Variants in DENND1A observed in about 807,000 individuals in gnomAD.
The protein encoded by DENND1A is DENN domain containing 1A, also known as DENN domain-containing protein 1A.
A neutral mutation model predicts 113.7 loss-of-function variants in DENND1A; 51 were observed. The ratio of observed to expected loss-of-function variants is 0.45; its 90% confidence interval spans 0.36 to 0.57. DENND1A has a LOEUF of 0.57. Ranked by LOEUF, DENND1A falls within the 20% of genes least tolerant of loss-of-function variation. DENND1A has a pLI of 0.00. For synonymous variants in DENND1A, 565 were observed against 570.8 expected, an observed-to-expected ratio of 0.99 and a Z score of 0.14; for missense variants, 1,258 against 1,395.9, an observed-to-expected ratio of 0.90 and a Z score of 1.57.
intron 3 of DENND1A, among the ~76,000 whole-genome samples, chr9:123,782,466 A>G (rs2131861285): frequency 6.6e-6 from 1 of 152,350 alleles, no homozygotes; most frequent in Non-Finnish European, 1.5e-5. Flanking sequence ...TGTGAAGACT[A>G]TTCAGTCACT....
At position 123,381,544 on chromosome 9, in the gene DENND1A, G is replaced by C. The variant is rs1156388144; in HGVS notation, c.3101C>G (p.Pro1034Arg). The change falls in exon 24 of 24, where the codon CCC (proline) becomes CGC (arginine). Residue 1034 changes from proline to arginine, a missense_variant. Pro to Arg is a moderately radical substitution (Grantham distance 103). Transcript: ENST00000394215. The surrounding 1 kb of genome is among the most constrained non-coding windows in gnomAD (Gnocchi z 4.7). ...GGTTTTCTGTAACAAATCCTCAAAG[G>C]GGTCTCTGGCCTGTTGAGGAGCAGA... is the stretch of plus-strand genomic sequence containing the variant. ...QPSAPQQARD[P>R]FEDLLQKTKQ... 1 of 1,613,786 alleles carries C rather than the reference G, an allele frequency of 6.2e-7. No homozygotes were observed. The highest frequency in any genetic ancestry group is 1.7e-4 in the Middle Eastern group (1 of 6,060).
chr9:123,660,438 A>T (rs2063173895), intron 8 of DENND1A, among the ~76,000 whole-genome samples: 1 of 149,848 alleles, frequency 6.7e-6, no homozygotes, highest in Non-Finnish European at 1.5e-5. Context: ...CTTTGGAGGT[A>T]AGGCTATGAG....
intron 2 of DENND1A, among the ~76,000 whole-genome samples, chr9:123,799,394 A>G (rs1383568638): frequency 6.6e-6 from 1 of 152,212 alleles, no homozygotes; most frequent in African/African-American, 2.4e-5. Flanking sequence ...GATAAATAAG[A>G]CACAGTCCTC....
intron 5 of DENND1A, among the ~76,000 whole-genome samples, chr9:123,697,634 G>A (rs904496641): frequency 2.6e-5 from 4 of 152,042 alleles, no homozygotes; most frequent in Admixed American, 6.6e-5. Flanking sequence ...GAGAACATAC[G>A]GTGTTTGGTT....
chr9:123,886,680 G>A (rs1272648634), intron 1 of DENND1A, among the ~76,000 whole-genome samples: 1 of 152,182 alleles, frequency 6.6e-6, no homozygotes, highest in Non-Finnish European at 1.5e-5. Context: ...GTCTCCATTT[G>A]TTTCACTGGA....
intron 4 of DENND1A, among the ~76,000 whole-genome samples, chr9:123,761,214 T>C (rs1437560226): frequency 1.3e-5 from 2 of 152,224 alleles, no homozygotes; most frequent in Non-Finnish European, 1.5e-5. Context: ...AAATCCCAAC[T>C]CAATCACTGA....
chr9:123,708,986 C>T (rs1277517942), intron 5 of DENND1A, among the ~76,000 whole-genome samples: 2 of 152,196 alleles, frequency 1.3e-5, no homozygotes, highest in South Asian at 2.1e-4. Flanking sequence ...ATAACTCCCC[C>T]GCCTCAGCCC....
At position 123,697,569 on chromosome 9, in the gene DENND1A, C is replaced by T. The variant is rs190939955; in HGVS notation, c.303-20780G>A. Among the ~76,000 whole-genome samples, 6 of 152,260 alleles carry T rather than the reference C, an allele frequency of 3.9e-5. No homozygotes were observed. In the East Asian group the frequency reaches 1.2e-3, roughly 29 times the overall value. ...TTCTTCCCCTCAAGTCCCCGAAGTC[C>T]ATTGTATCATTCTTATGCCTTTGCA... is the stretch of plus-strand genomic sequence containing the variant. On this transcript the variant is annotated intron_variant, in intron 5 of 23. Coordinates refer to ENST00000394215, the MANE Select transcript of DENND1A (RefSeq NM_001352964.2).
chr9:123,390,825 G>C (rs2042803631), intron 21 of DENND1A, among the ~76,000 whole-genome samples: 1 of 152,254 alleles, frequency 6.6e-6, no homozygotes, highest in African/African-American at 2.4e-5. Flanking sequence ...CAAATGGAGG[G>C]AGGCTCTCCA....
At chr9:123,529,288 T>C (rs183016658) in intron 13 of DENND1A, among the ~76,000 whole-genome samples, 1 of 152,232 alleles carries the variant, frequency 6.6e-6, no homozygotes, top group African/African-American at 2.4e-5. Flanking sequence ...GAAATGTGAT[T>C]TACAAAGAAA....
In DENND1A at chr9:123,403,474, G is replaced by C. The variant is rs770053520; in HGVS notation, c.1559C>G (p.Pro520Arg). 6.2e-7 allele frequency: 1 copy of C among 1,614,040 alleles called. No individual in the cohort carries two copies. Among genetic ancestry groups the C allele is most frequent in the East Asian group, 2.2e-5 (1 of 44,884 alleles). The change falls in exon 21 of 24, where the codon CCA becomes CGA. Residue 520 changes from proline (P) to arginine (R), a missense_variant. This residue lies in a region of DENND1A where 1,159 missense variants were observed against 1,231.7 expected (regional missense o/e 0.94). Coordinates refer to ENST00000394215, the MANE Select transcript of DENND1A (RefSeq NM_001352964.2). The part of the protein sequence containing the change: ...QRSRPVRPPR[P>R]HVVKRPKSNI... ...GCTCTTTGGTCTCTTAACAACATGT[G>C]GACGAGGTGGGCGCACCTAGAGGAG... is the stretch of plus-strand genomic sequence containing the variant.
chr9:123,838,375 T>C (rs1242987702), intron 2 of DENND1A, among the ~76,000 whole-genome samples: 5 of 152,156 alleles, frequency 3.3e-5, no homozygotes, highest in Admixed American at 1.3e-4. Flanking sequence ...TGTATATATA[T>C]AATATGTATA....
At chr9:123,751,738 T>C (rs544425028) in intron 5 of DENND1A, 1 of 152,288 alleles carries the variant, frequency 6.6e-6, no homozygotes, top group African/African-American at 2.4e-5. Context: ...ATACCTTTCA[T>C]TTCTTGGGGA....
At chr9:123,918,036 C>A (rs754612321) in intron 1 of DENND1A, among the ~76,000 whole-genome samples, 6 of 151,188 alleles carry the variant, frequency 4.0e-5, no homozygotes, top group Admixed American at 6.6e-5. Flanking sequence ...ATAGCGTGAG[C>A]CCGGAAGGCA....
chr9:123,778,607 T>C (rs1474489605), intron 3 of DENND1A, among the ~76,000 whole-genome samples: 5 of 152,226 alleles, frequency 3.3e-5, no homozygotes, highest in Non-Finnish European at 2.9e-5. Flanking sequence ...TTTTAGGCTT[T>C]GCGGGCCACT....
intron 2 of DENND1A, among the ~76,000 whole-genome samples, chr9:123,862,042 G>A (rs934918400): frequency 5.3e-5 from 8 of 152,188 alleles, no homozygotes; most frequent in Middle Eastern, 3.4e-3. Flanking sequence ...TGTCCCAACC[G>A]CTAAGGAATG....
chr9:123,413,068 C>A (rs1157648648), intron 19 of DENND1A, among the ~76,000 whole-genome samples: 1 of 152,178 alleles, frequency 6.6e-6, no homozygotes, highest in African/African-American at 2.4e-5. Flanking sequence ...CCTGTAATCC[C>A]ACGTACTCGG....
intron 19 of DENND1A, among the ~76,000 whole-genome samples, chr9:123,423,606 T>G (rs1179124104): frequency 6.6e-6 from 1 of 152,222 alleles, no homozygotes. Context: ...GCTGATCACT[T>G]GGCAGGCCCT....
chr9:123,454,847 T>G, intron 15 of DENND1A, 68 bp from the exon 16 acceptor site: 3 of 1,415,738 alleles, frequency 2.1e-6, no homozygotes, highest in South Asian at 2.6e-5. Context: ...TCCTTAAAAT[T>G]GCTTTTTTTT....
Sources: allele counts gnomAD v4.1 joint callset (sites outside exome capture counted in the v4.1 genomes callset), GRCh38; gene constraint gnomAD v4.1.1; regional missense constraint gnomAD v4.1.1; non-coding constraint Gnocchi (gnomAD v3.1); transcripts MANE v1.5; gene names NCBI Gene and HGNC (gene_info 2026-07-23, HGNC 2026-07-21).